Variants in PKD1L1 observed in about 807,000 individuals in gnomAD.
The protein encoded by PKD1L1 is polycystin 1 like 1, transient receptor potential channel interacting.
A neutral mutation model predicts 323.4 loss-of-function variants in PKD1L1; 236 were observed. The ratio of observed to expected loss-of-function variants is 0.73; its 90% CI spans 0.66 to 0.81. PKD1L1 has a LOEUF of 0.81. Among genes scored for constraint, PKD1L1 ranks in the 40% least tolerant of loss-of-function variants. The pLI is 0.00. For synonymous variants in PKD1L1, 1,344 were observed against 1,335.0 expected, an observed-to-expected ratio of 1.01 and a Z score of -0.15; for missense variants, 3,320 against 3,508.0, an observed-to-expected ratio of 0.95 and a Z score of 1.35.
chr7:47,837,218 G>T, intron 36 of PKD1L1, 124 bp from the exon 37 acceptor site: 1 of 1,091,296 alleles, frequency 9.2e-7, no homozygotes, highest in East Asian at 2.6e-5. Context: ...CATCCTAGCT[G>T]CTTAGCTGTG....
chr7:47,937,774 GCTCGGC>G (rs1179934258), intron 3 of PKD1L1, among the ~76,000 whole-genome samples: 1 of 152,126 alleles, frequency 6.6e-6, no homozygotes, highest in Admixed American at 6.5e-5. Flanking sequence ...CACTGGGCTT[GCTCGGC>G]CTGTGCACAC....
intron 40 of PKD1L1, 76 bp from the exon 41 acceptor site, chr7:47,833,328 G>C: frequency 6.7e-7 from 1 of 1,491,862 alleles, no homozygotes; most frequent in East Asian, 2.4e-5. Flanking sequence ...CAGTGGTGTG[G>C]CTTGCCGCCT....
At position 47,905,161 on chromosome 7, in the gene PKD1L1, G is replaced by A. The variant is rs1209102264; in HGVS notation, c.1687C>T (p.Gln563Ter). The change falls in exon 11 of 57, where the codon CAA becomes TAA. Residue 563 changes from glutamine (Q) to a stop codon, truncating the protein, a stop_gained. Coordinates refer to ENST00000289672, the MANE Select transcript of PKD1L1 (RefSeq NM_138295.5). LOFTEE classifies it high-confidence loss of function. ...AGGACTGCTACTTTTACTGACCATTGGGGGATGCTGAGTCTTTTTTTAATG... is the reference window on the plus strand; with the variant it reads ...AGGACTGCTACTTTTACTGACCATTAGGGGATGCTGAGTCTTTTTTTAATG... The part of the protein sequence containing the change: ...RSIKKRLSIP[Q>*]WYRVMVKASN... 7 of 1,613,474 alleles carry A rather than the reference G, an allele frequency of 4.3e-6. No individual in the cohort carries two copies. Among genetic ancestry groups the A allele is most frequent in the Non-Finnish European group, 5.9e-6 (7 of 1,179,714 alleles).
At chr7:47,819,455 T>C in intron 46 of PKD1L1, 1 of 1,073,422 alleles carries the variant, frequency 9.3e-7, no homozygotes, top group Non-Finnish European at 1.2e-6. Flanking sequence ...TTTTCATGTT[T>C]AGATTTCCAT....
At chr7:47,824,872 T>C (rs1785212094) in intron 45 of PKD1L1, among the ~76,000 whole-genome samples, 1 of 152,236 alleles carries the variant, frequency 6.6e-6, no homozygotes, top group Non-Finnish European at 1.5e-5. Flanking sequence ...TTCTAGGATA[T>C]TCTCATTACA....
the PKD1L1 span, among the ~76,000 whole-genome samples, chr7:47,956,417 G>A: frequency 1.3e-5 from 2 of 152,174 alleles, no homozygotes. Flanking sequence ...GAATGGGGGT[G>A]GGGCTCACAG....
chr7:47,918,881 A>T (rs1787482202), intron 7 of PKD1L1, among the ~76,000 whole-genome samples: 1 of 152,192 alleles, frequency 6.6e-6, no homozygotes, highest in African/African-American at 2.4e-5. Context: ...TGCTAAGTGG[A>T]AATTTCATAG....
chr7:47,897,565 C>T (rs1786984130), intron 14 of PKD1L1, among the ~76,000 whole-genome samples: 1 of 152,200 alleles, frequency 6.6e-6, no homozygotes, highest in African/African-American at 2.4e-5. Flanking sequence ...CAAAATGCAC[C>T]AAGCACATGC....
At chr7:47,825,209 T>C (rs1414035849) in intron 45 of PKD1L1, among the ~76,000 whole-genome samples, 1 of 151,586 alleles carries the variant, frequency 6.6e-6, no homozygotes, top group Non-Finnish European at 1.5e-5. Context: ...ACTTTTCCAG[T>C]CCACTTTTTT....
chr7:47,838,645 C>T (rs4724649), intron 36 of PKD1L1, among the ~76,000 whole-genome samples: 30,035 of 151,730 alleles, frequency 0.2, 3,241 homozygotes, highest in Middle Eastern at 0.23. Context: ...TTTGGGAGTC[C>T]GAGGCAGGAG....
chr7:47,777,564 G>T (rs1228974734), intron 56 of PKD1L1, among the ~76,000 whole-genome samples: 1 of 152,176 alleles, frequency 6.6e-6, no homozygotes. Flanking sequence ...ATCATTTACA[G>T]TCAAAACTAT....
Position 47,803,349 on chromosome 7 carries a change from G to A in PKD1L1, c.7828-5C>T, listed in dbSNP as rs1784708165. Reference sequence around the variant, plus strand: ...TCCCCGGAGCCATCGAGCCCTCTGAGACAGAAGAACATAACAGTCAGTGTG... The same window carrying A: ...TCCCCGGAGCCATCGAGCCCTCTGAAACAGAAGAACATAACAGTCAGTGTG... On this transcript the variant is annotated splice_region_variant and splice_polypyrimidine_tract_variant and intron_variant, in intron 52 of 56. Coordinates refer to ENST00000289672, the MANE Select transcript of PKD1L1 (RefSeq NM_138295.5). 1.2e-6 allele frequency: 2 copies of A among 1,613,524 alleles called. No homozygotes were observed. Among genetic ancestry groups the A allele is most frequent in the Admixed American group, 1.7e-5 (1 of 60,020 alleles).
intron 52 of PKD1L1, among the ~76,000 whole-genome samples, chr7:47,804,422 T>A (rs1784731486): frequency 6.6e-6 from 1 of 151,998 alleles, no homozygotes. Context: ...TAGCATCATG[T>A]CAATATGTAA....
intron 39 of PKD1L1, among the ~76,000 whole-genome samples, chr7:47,834,710 A>C (rs1262892976): frequency 6.6e-6 from 1 of 152,158 alleles, no homozygotes; most frequent in Non-Finnish European, 1.5e-5. Context: ...ACAAAGACCT[A>C]CTTTACTTAG....
rs1205161955 is a variant in PKD1L1 at position 47,811,845 on chromosome 7, G to T, written c.7553C>A (p.Ala2518Asp). 1.2e-6 allele frequency: 2 copies of T among 1,608,236 alleles called. No homozygotes were observed. Among genetic ancestry groups the T allele is most frequent in the Non-Finnish European group, 1.7e-6 (2 of 1,177,682 alleles). ...GGGAAGCATGAGGTGGTACTGCAGG[G>T]CTGAGTCGCTGCGGAAGATGCTGAA... ...ESFSIFRSDS[A>D]LQYHLMLPQL... The change falls in exon 50 of 57, where the codon GCC (alanine) becomes GAC (aspartate). Residue 2518 changes from alanine (A) to aspartate (D), a missense_variant. Ala to Asp is a moderately radical substitution (Grantham distance 126, BLOSUM62 -2). Coordinates refer to ENST00000289672, the MANE Select transcript of PKD1L1 (RefSeq NM_138295.5).
intron 33 of PKD1L1, among the ~76,000 whole-genome samples, chr7:47,843,448 G>A (rs1785604101): frequency 6.6e-6 from 1 of 152,176 alleles, no homozygotes; most frequent in African/African-American, 2.4e-5. Context: ...TGGGTCTGAG[G>A]AACTTTCATT....
At chr7:47,873,815 G>T in intron 24 of PKD1L1, 84 bp downstream of exon 24, 1 of 992,960 alleles carries the variant, frequency 1.0e-6, no homozygotes, top group East Asian at 2.5e-5. Flanking sequence ...TGTTTTTGAC[G>T]CTTGTTAACA....
Position 47,839,762 on chromosome 7 carries a change from A to G in PKD1L1, c.5553-100T>C, listed in dbSNP as rs965640030. The G allele has an allele frequency of 1.7e-6, 2 of 1,174,490 alleles. No homozygotes were observed. Among genetic ancestry groups the G allele is most frequent in the Admixed American group, 2.1e-5 (1 of 47,690 alleles). 72.8% of individuals were successfully genotyped at this position (1,174,490 alleles called of 1,614,324 possible). ...CACCCTCAAGGCACTGATGGCCCAC[A>G]GAGGGTGGATGGGACATGTCAAAGG... On this transcript the variant is annotated intron_variant, in intron 35 of 56. Coordinates refer to ENST00000289672, the MANE Select transcript of PKD1L1 (RefSeq NM_138295.5). This position sits in a 1 kb window ranked among gnomAD's most constrained non-coding sequence, Gnocchi z 4.3.
intron 45 of PKD1L1, 23 bp downstream of exon 45, chr7:47,827,327 T>C: frequency 1.3e-6 from 2 of 1,579,898 alleles, no homozygotes; most frequent in Non-Finnish European, 1.7e-6. Flanking sequence ...GAGCAAGCCC[T>C]CCCGACAGAA....
Sources: gnomAD v4.1 joint callset for allele counts (sites outside exome capture counted in the v4.1 genomes callset) on GRCh38, gnomAD v4.1.1 for gene constraint, Gnocchi (gnomAD v3.1) non-coding constraint, MANE v1.5 for transcripts, NCBI Gene and HGNC (gene_info 2026-07-23, HGNC 2026-07-21) for gene names.